The following GABRG3 variants were observed in gnomAD, a reference collection of about 807,000 sequenced individuals.
GABRG3 encodes the protein gamma-aminobutyric acid receptor subunit gamma-3.
In GABRG3, 25 loss-of-function variants were observed where a neutral mutation model predicts 48.8. The ratio of observed to expected loss-of-function variants is 0.51; its 90% CI spans 0.37 to 0.72. GABRG3 has a LOEUF of 0.72. Among genes scored for constraint, GABRG3 ranks in the 30% least tolerant of loss-of-function variants. The pLI is 0.00. For synonymous variants in GABRG3, 227 were observed against 217.6 expected, an observed-to-expected ratio of 1.04 and a Z score of -0.38; for missense variants, 394 against 577.9, an observed-to-expected ratio of 0.68 and a Z score of 3.26.
intron 3 of GABRG3, among the ~76,000 whole-genome samples, chr15:27,193,674 A>T (rs922317122): frequency 1.3e-4 from 20 of 152,190 alleles, no homozygotes; most frequent in African/African-American, 4.3e-4. Flanking sequence ...GCACTTCCCG[A>T]GTGAGGCAAT....
At chr15:27,104,613 T>C (rs1897419117) in intron 3 of GABRG3, among the ~76,000 whole-genome samples, 1 of 152,206 alleles carries the variant, frequency 6.6e-6, no homozygotes, top group African/African-American at 2.4e-5. Context: ...CTGGCCTCAG[T>C]GGGTGTTTTG....
intron 2 of GABRG3, among the ~76,000 whole-genome samples, chr15:27,022,924 A>T (rs1451888165): frequency 1.3e-5 from 2 of 152,042 alleles, no homozygotes; most frequent in Non-Finnish European, 2.9e-5. Flanking sequence ...CAGCCCATGT[A>T]CTCCCCTTAG....
At position 27,313,286 on chromosome 15, in the gene GABRG3, A is replaced by G. The variant is rs867524482; in HGVS notation, c.271-13523A>G. Among the ~76,000 whole-genome samples the G allele has an allele frequency of 1.1e-3, 117 of 109,080 alleles. 1 individual carries two copies. The highest frequency in any genetic ancestry group is 8.7e-3 in the East Asian group (20 of 2,292). 71.6% of individuals were successfully genotyped at this position (109,080 alleles called of 152,430 possible). A position where few individuals can be genotyped will look rare whatever the true frequency, so the allele number is the denominator to read the frequency against. Reference sequence around the variant, plus strand: ...TGTATATATATATATATATATATATATATATATATATATATATATATATAC... The same window carrying G: ...TGTATATATATATATATATATATATGTATATATATATATATATATATATAC... On this transcript the variant is annotated intron_variant, in intron 3 of 9. Transcript: ENST00000615808.
chr15:27,443,324 C>T (rs1246563085), intron 5 of GABRG3, among the ~76,000 whole-genome samples: 2 of 152,186 alleles, frequency 1.3e-5, no homozygotes, highest in Non-Finnish European at 2.9e-5. Context: ...TGAGTCTTTC[C>T]ATGTGCTACA....
intron 3 of GABRG3, among the ~76,000 whole-genome samples, chr15:27,205,126 C>T (rs571250569): frequency 2.0e-5 from 3 of 151,908 alleles, no homozygotes; most frequent in African/African-American, 7.2e-5. Context: ...GTATCCTTGT[C>T]TTGTTCTGGT....
At chr15:26,989,331 T>G (rs1895206271) in intron 2 of GABRG3, among the ~76,000 whole-genome samples, 1 of 152,234 alleles carries the variant, frequency 6.6e-6, no homozygotes, top group African/African-American at 2.4e-5. Context: ...ACAGGCATTT[T>G]GATTGTTTTT....
intron 2 of GABRG3, among the ~76,000 whole-genome samples, chr15:26,998,484 CT>C (rs1004033858): frequency 2.0e-4 from 31 of 152,170 alleles, no homozygotes; most frequent in Admixed American, 6.5e-5. Flanking sequence ...GTGGCAACCC[CT>C]GATCTTGGCT....
chr15:27,026,651 C>T (rs1481608269), intron 2 of GABRG3, 103 bp from the exon 3 acceptor site: 7 of 633,306 alleles, frequency 1.1e-5, no homozygotes, highest in Non-Finnish European at 1.8e-5. Context: ...TGTGTTTCCA[C>T]CATGTCCTTG....
chr15:27,498,118 T>A (rs1243006885), intron 6 of GABRG3, among the ~76,000 whole-genome samples: 3 of 152,210 alleles, frequency 2.0e-5, no homozygotes, highest in African/African-American at 7.2e-5. Context: ...ATGTCTTGAT[T>A]TGTCATATAT....
intron 3 of GABRG3, among the ~76,000 whole-genome samples, chr15:27,220,067 C>T (rs1889401719): frequency 6.6e-6 from 1 of 152,132 alleles, no homozygotes; most frequent in African/African-American, 2.4e-5. Context: ...TATCACAGGG[C>T]ACCCAACAAG....
chr15:27,380,330 T>G (rs1895727545), intron 5 of GABRG3, among the ~76,000 whole-genome samples: 1 of 152,188 alleles, frequency 6.6e-6, no homozygotes, highest in Non-Finnish European at 1.5e-5. Context: ...TTAATCATAA[T>G]TGTTTTAACT....
At chr15:27,410,506 C>G (rs912655700) in intron 5 of GABRG3, among the ~76,000 whole-genome samples, 5 of 152,106 alleles carry the variant, frequency 3.3e-5, no homozygotes, top group Admixed American at 1.3e-4. Context: ...GAGCATGAAG[C>G]CTTCTTTTCC....
At chr15:27,380,789 C>CG (rs1895745604) in intron 5 of GABRG3, among the ~76,000 whole-genome samples, 2 of 137,978 alleles carry the variant, frequency 1.4e-5, no homozygotes, top group Admixed American at 1.5e-4. Context: ...TTTGAGACAG[C>CG]GAGTCTCACT....
Position 27,519,930 on chromosome 15 carries a change from A to G in GABRG3, c.713-42A>G. On this transcript the variant is annotated intron_variant, in intron 6 of 9. Coordinates refer to ENST00000615808, the MANE Select transcript of GABRG3 (RefSeq NM_033223.5). The stretch of plus-strand genomic sequence containing the variant: ...AAATTATTTTCCTGAATTATTTTTG[A>G]CCCATCAAAGTTGTCTTAATTTTGA... 3.0e-6 allele frequency: 4 copies of G among 1,337,848 alleles called. No homozygotes were observed. In the East Asian group the frequency reaches 1.0e-4, roughly 35 times the overall value. The allele number at this position is 1,337,848 out of a possible 1,614,324, so 82.9% of individuals were successfully genotyped here.
chr15:26,992,640 T>C (rs566817931), intron 2 of GABRG3, among the ~76,000 whole-genome samples: 2 of 152,338 alleles, frequency 1.3e-5, no homozygotes, highest in East Asian at 3.9e-4. Flanking sequence ...TGAGTATTTT[T>C]GCATCAATAT....
chr15:27,509,472 T>C (rs1890845558), intron 6 of GABRG3, among the ~76,000 whole-genome samples: 1 of 152,220 alleles, frequency 6.6e-6, no homozygotes, highest in Admixed American at 6.5e-5. Flanking sequence ...TCAAATAATA[T>C]GTATATTAGA....
intron 3 of GABRG3, among the ~76,000 whole-genome samples, chr15:27,095,478 T>A (rs1897254961): frequency 8.7e-6 from 1 of 115,128 alleles, no homozygotes; most frequent in Admixed American, 9.5e-5. Context: ...TCCACATAGA[T>A]GCTGGCGAAT....
chr15:27,108,515 A>G (rs1897489673), intron 3 of GABRG3, among the ~76,000 whole-genome samples: 1 of 152,154 alleles, frequency 6.6e-6, no homozygotes, highest in South Asian at 2.1e-4. Context: ...TATGCTGCTC[A>G]ATGTTGCATG....
chr15:27,377,682 G>T (rs917703684), intron 5 of GABRG3, among the ~76,000 whole-genome samples: 3 of 152,142 alleles, frequency 2.0e-5, no homozygotes, highest in African/African-American at 7.2e-5. Context: ...CAACACATTG[G>T]AATTCAAGAT....
Sources: gnomAD v4.1 joint callset for allele counts (sites outside exome capture counted in the v4.1 genomes callset) on GRCh38, gnomAD v4.1.1 for gene constraint, MANE v1.5 for transcripts, NCBI Gene and HGNC (gene_info 2026-07-23, HGNC 2026-07-21) for gene names.